The following ESYT1 variants were observed in gnomAD, a reference collection of about 807,000 sequenced individuals.
The protein encoded by ESYT1 is extended synaptotagmin-1.
ESYT1 carries 116 observed loss-of-function variants against 154.2 expected under a neutral mutation model. The ratio of observed to expected loss-of-function variants is 0.75; its 90% confidence interval spans 0.65 to 0.88. The LOEUF is 0.88. Ranked by LOEUF, ESYT1 falls within the 40% of genes least tolerant of loss-of-function variation. ESYT1 has a pLI of 0.00. For missense variants in ESYT1, 1,264 were observed against 1,379.3 expected (o/e 0.92, Z 1.32); for synonymous variants, 500 against 539.9 (o/e 0.93, Z 1.02).
intron 29 of ESYT1, 38 bp downstream of exon 29, chr12:56,143,371 G>A: frequency 3.7e-6 from 6 of 1,600,458 alleles, no homozygotes; most frequent in Non-Finnish European, 5.1e-6. Context: ...GTGAGGGCTG[G>A]AAGCTGCTGG....
chr12:56,132,197 T>G lies in ESYT1; in HGVS notation c.861-12T>G, dbSNP rs1264465807. 3.7e-6 allele frequency: 6 copies of G among 1,613,970 alleles called. No homozygotes were observed. In the African/African-American group the frequency reaches 8.0e-5, roughly 22 times the overall value. ...TGAGGCCATACCCACTCCTTTCTAC[T>G]CCCCCATTCAGCTCACTCTCTGACA... On this transcript the variant is annotated splice_polypyrimidine_tract_variant and intron_variant, in intron 7 of 30. Coordinates refer to ENST00000394048, the MANE Select transcript of ESYT1 (RefSeq NM_015292.3).
Position 56,137,233 on chromosome 12 carries a change from T to G in ESYT1, c.1798T>G (p.Ser600Ala). ...CCCTTCCTAGATCCTGTACTTGGAT[T>G]CATCAGAAATATGCTTCCCCACGGT... ...KLVMRILYLD[S>A]SEICFPTVPG... The change falls in exon 17 of 31, where the codon TCA (serine) becomes GCA (alanine). Residue 600 changes from serine to alanine, a missense_variant. Ser to Ala is a moderately conservative substitution (Grantham distance 99). Coordinates refer to ENST00000394048, the MANE Select transcript of ESYT1 (RefSeq NM_015292.3). 6.2e-7 allele frequency: 1 copy of G among 1,614,192 alleles called. No individual in the cohort carries two copies. The highest frequency in any genetic ancestry group is 2.2e-5 in the East Asian group (1 of 44,884).
rs909058031 is a variant in ESYT1 at position 56,142,055 on chromosome 12, G to C, written c.2593-230G>C. ...GGAGGTTGCGGTGAGACCAGATCAC[G>C]CCATGCACTCCAGCCTGGGCAACAA... is the stretch of plus-strand genomic sequence containing the variant. On this transcript the variant is annotated intron_variant, in intron 24 of 30. Transcript: ENST00000394048. This position sits in a 1 kb window ranked among gnomAD's most constrained non-coding sequence, Gnocchi z 4.1. 1.5e-4 allele frequency among the ~76,000 whole-genome samples: 23 copies of C among 149,230 alleles called. No individual in the cohort carries two copies. The highest frequency in any genetic ancestry group is 1.3e-3 in the Admixed American group (20 of 14,938).
intron 30 of ESYT1, 59 bp from the exon 31 acceptor site, chr12:56,143,764 C>T: frequency 6.2e-7 from 1 of 1,613,052 alleles, no homozygotes; most frequent in Non-Finnish European, 8.5e-7. Flanking sequence ...TGGATCGTGT[C>T]TCATTTATAA....
At position 56,128,311 on chromosome 12, in the gene ESYT1, G is replaced by A. The variant is rs1347646578; in HGVS notation, c.-9G>A. 6.2e-7 allele frequency: 1 copy of A among 1,606,746 alleles called. No homozygotes were observed. Among genetic ancestry groups the A allele is most frequent in the Non-Finnish European group, 8.5e-7 (1 of 1,177,814 alleles). On this transcript the variant is annotated 5_prime_UTR_variant, in exon 1 of 31. Transcript: ENST00000394048. ...CCTGGGTCGGGCGGATCCTCCCAGAGGTGGCACAATGGAGCGATCTCCAGG... is the reference window on the plus strand; with the variant it reads ...CCTGGGTCGGGCGGATCCTCCCAGAAGTGGCACAATGGAGCGATCTCCAGG...
chr12:56,144,020 A>G lies in ESYT1; in HGVS notation c.*158A>G, dbSNP rs1870824026. On this transcript the variant is annotated 3_prime_UTR_variant, in exon 31 of 31. Transcript: ENST00000394048. ...CCCATATTCGGGCCTTTGCCTGACC[A>G]AAGAGAAGAACCGTATGTTCCCTTT... 3 of 1,499,688 alleles carry G rather than the reference A, an allele frequency of 2.0e-6. No homozygotes were observed. Among genetic ancestry groups the G allele is most frequent in the South Asian group, 1.3e-5 (1 of 78,220 alleles). The allele number at this position is 1,499,688 out of a possible 1,614,324, so 92.9% of individuals were successfully genotyped here.
intron 1 of ESYT1, 59 bp from the exon 2 acceptor site, chr12:56,130,523 T>C: frequency 6.2e-7 from 1 of 1,604,172 alleles, no homozygotes; most frequent in South Asian, 1.1e-5. Flanking sequence ...AGCATCTTAG[T>C]AGGAAACCAG....
chr12:56,139,593 A>G (rs933341729), intron 24 of ESYT1, among the ~76,000 whole-genome samples: 1 of 123,010 alleles, frequency 8.1e-6, no homozygotes, highest in Non-Finnish European at 1.7e-5. Flanking sequence ...TTGAGGGTAG[A>G]TTTTTTTTTT....
chr12:56,138,796 C>G lies in ESYT1; in HGVS notation c.2462C>G (p.Pro821Arg). 6.2e-7 allele frequency: 1 copy of G among 1,614,208 alleles called. No individual in the cohort carries two copies. Among genetic ancestry groups the G allele is most frequent in the Non-Finnish European group, 8.5e-7 (1 of 1,180,030 alleles). ...CGAAAAGGCACCAAGCACCTCAGCC[C>G]TTATGCTACTCTCACTGTGGGAGAT... ...PLRKGTKHLSPYATLTVGDSS... is the reference protein window; with the variant it reads ...PLRKGTKHLSRYATLTVGDSS... Residue 821 changes from proline to arginine, a missense_variant, in exon 23 of 31, where the codon CCT becomes CGT. Coordinates refer to ENST00000394048, the MANE Select transcript of ESYT1 (RefSeq NM_015292.3).
At chr12:56,141,588 A>G (rs1417334671) in intron 24 of ESYT1, among the ~76,000 whole-genome samples, 1 of 152,064 alleles carries the variant, frequency 6.6e-6, no homozygotes, top group Non-Finnish European at 1.5e-5. Flanking sequence ...AAAATACAAA[A>G]AATTAGCCGG....
intron 22 of ESYT1, 97 bp downstream of exon 22, chr12:56,138,596 C>T: frequency 7.4e-7 from 1 of 1,350,948 alleles, no homozygotes; most frequent in Admixed American, 1.9e-5. Context: ...AGAAAAATGG[C>T]CCCTCTCTTT....
intron 14 of ESYT1, 43 bp from the exon 15 acceptor site, chr12:56,134,299 G>C: frequency 6.2e-7 from 1 of 1,603,464 alleles, no homozygotes; most frequent in Non-Finnish European, 8.5e-7. Flanking sequence ...AAACAGGAAT[G>C]GTGCTGTGGT....
rs1870366550 is a variant in ESYT1, at chr12:56,134,428, A to G, written c.1632A>G (p.Gln544=). The change falls in exon 15 of 31, where the codon CAA becomes CAG. Residue 544 remains glutamine (Q), a splice_region_variant and synonymous_variant. Coordinates refer to ENST00000394048, the MANE Select transcript of ESYT1 (RefSeq NM_015292.3). ...QDPQSQELDV[Q]VKDDSRALTL... ...CTCAAAGCCAGGAGCTCGATGTGCA[A>G]GTGAGATAATCACCTCTTCATCCCC... The G allele has an allele frequency of 6.2e-7, 1 of 1,613,678 alleles. No individual in the cohort carries two copies. Among genetic ancestry groups the G allele is most frequent in the Non-Finnish European group, 8.5e-7 (1 of 1,179,778 alleles).
At position 56,143,890 on chromosome 12, in the gene ESYT1, C is replaced by A. The variant is rs1463435308; in HGVS notation, c.*28C>A. 1.1e-5 allele frequency: 17 copies of A among 1,613,586 alleles called. No individual in the cohort carries two copies. Among genetic ancestry groups the A allele is most frequent in the Non-Finnish European group, 1.4e-5 (17 of 1,179,864 alleles). The stretch of plus-strand genomic sequence containing the variant: ...GCTGGCGAGTCCCAGCCTGACTGCT[C>A]TGTCTTCCTGCCTTCGTCTCGCTCC... On this transcript the variant is annotated 3_prime_UTR_variant, in exon 31 of 31. Coordinates refer to ENST00000394048, the MANE Select transcript of ESYT1 (RefSeq NM_015292.3).
chr12:56,142,203 A>T lies in ESYT1; in HGVS notation c.2593-82A>T. The T allele has an allele frequency of 6.5e-7, 1 of 1,532,756 alleles. No individual in the cohort carries two copies. The highest frequency in any genetic ancestry group is 8.9e-7 in the Non-Finnish European group (1 of 1,126,674). The allele number at this position is 1,532,756 out of a possible 1,614,324, so 94.9% of individuals were successfully genotyped here. On this transcript the variant is annotated intron_variant, in intron 24 of 30. Transcript: ENST00000394048. This position sits in a 1 kb window ranked among gnomAD's most constrained non-coding sequence, Gnocchi z 4.1. ...ATCTCACCAAACCACCTATGAGTCCAAGCGTTTGGACCTTTAAAACACCAG... is the reference window on the plus strand; with the variant it reads ...ATCTCACCAAACCACCTATGAGTCCTAGCGTTTGGACCTTTAAAACACCAG...
chr12:56,131,714 T>TTTG (rs1565873022), intron 6 of ESYT1, 35 bp from the exon 7 acceptor site: 2 of 1,613,600 alleles, frequency 1.2e-6, no homozygotes, highest in Admixed American at 3.3e-5. Flanking sequence ...CCACACCCCA[T>TTTG]AGGATCTGTC....
At position 56,138,189 on chromosome 12, in the gene ESYT1, A is replaced by G; in HGVS notation, c.2254A>G (p.Thr752Ala). 1 of 1,614,152 alleles carries G rather than the reference A, an allele frequency of 6.2e-7. No homozygotes were observed. The highest frequency in any genetic ancestry group is 8.5e-7 in the Non-Finnish European group (1 of 1,180,024). The part of the protein sequence containing the change: ...LNSGFLDEWL[T>A]LEDVPSGRLH... The stretch of plus-strand genomic sequence containing the variant: ...ACCCTGCCTACTTCCACAGTGGCTG[A>G]CCCTGGAGGATGTCCCATCTGGCCG... The change falls in exon 21 of 31, where the codon ACC becomes GCC. Residue 752 changes from threonine to alanine, a missense_variant. Thr to Ala is a moderately conservative substitution (Grantham distance 58, BLOSUM62 0). Coordinates refer to ENST00000394048, the MANE Select transcript of ESYT1 (RefSeq NM_015292.3).
chr12:56,128,958 C>T (rs1397525356), intron 1 of ESYT1: 5 of 536,034 alleles, frequency 9.3e-6, no homozygotes, highest in African/African-American at 7.6e-5. Flanking sequence ...TCTTCCTCTA[C>T]TTGGGCAACA....
Position 56,138,413 on chromosome 12 carries a change from G to A in ESYT1, c.2347G>A (p.Val783Met). ...GTGTGCCCCTCCACAGGTGCTGCAG[G>A]TGAATAGTTTGATCCAGACTCAGAA... Reference protein sequence around the residue: ...TAAELEEVLQVNSLIQTQKSA... With the variant: ...TAAELEEVLQMNSLIQTQKSA... Residue 783 changes from valine to methionine, a missense_variant, in exon 22 of 31, where the codon GTG (valine) becomes ATG (methionine). By Grantham distance (21) the Val-to-Met change is conservative. Coordinates refer to ENST00000394048, the MANE Select transcript of ESYT1 (RefSeq NM_015292.3). 2 of 1,613,646 alleles carry A rather than the reference G, an allele frequency of 1.2e-6. No individual in the cohort carries two copies. The highest frequency in any genetic ancestry group is 8.5e-7 in the Non-Finnish European group (1 of 1,179,848).
Sources: allele counts gnomAD v4.1 joint callset (sites outside exome capture counted in the v4.1 genomes callset), GRCh38; gene constraint gnomAD v4.1.1; non-coding constraint Gnocchi (gnomAD v3.1); transcripts MANE v1.5; gene names NCBI Gene and HGNC (gene_info 2026-07-23, HGNC 2026-07-21).